The following MEF2C variants were observed in gnomAD, a reference collection of about 807,000 sequenced individuals.
MEF2C encodes the protein myocyte enhancer factor 2C, also known as myocyte-specific enhancer factor 2C.
A neutral mutation model predicts 50.5 loss-of-function variants in MEF2C; 6 were observed. The observed-to-expected ratio is 0.12, with a 90% CI of 0.07 to 0.23. The LOEUF (loss-of-function observed/expected upper bound fraction) is 0.23, where lower values mean the gene tolerates loss of function less well. MEF2C is among the 10% of genes least tolerant of loss of function. The probability of loss-of-function intolerance (pLI) is 1.00; values close to 1 mark genes in which losing one functional copy is unlikely to be tolerated. For synonymous variants in MEF2C, 183 were observed against 228.0 expected (o/e 0.80, Z 1.78); for missense variants, 276 against 605.0 (o/e 0.46, Z 5.70).
intron 1 of MEF2C, among the ~76,000 whole-genome samples, chr5:88,852,303 A>C (rs1035273966): frequency 6.6e-6 from 1 of 152,188 alleles, no homozygotes; most frequent in Non-Finnish European, 1.5e-5. Context: ...CACACACCTA[A>C]AAGTACCAGT....
chr5:88,786,199 AT>A (rs1790811547), intron 3 of MEF2C, among the ~76,000 whole-genome samples: 1 of 152,222 alleles, frequency 6.6e-6, no homozygotes, highest in Non-Finnish European at 1.5e-5. Context: ...AACTCCAGGC[AT>A]TTCAGCTGCT....
chr5:88,844,833 G>T (rs1055085999), intron 1 of MEF2C, among the ~76,000 whole-genome samples: 8 of 152,024 alleles, frequency 5.3e-5, no homozygotes, highest in African/African-American at 1.9e-4. Flanking sequence ...AACATAATTA[G>T]GAACTCTGAC....
Position 88,755,267 on chromosome 5 carries a change from GTATAGTTGACA to G in MEF2C, c.403-3235_403-3225del, listed in dbSNP as rs201762475. On this transcript the variant is annotated intron_variant, in intron 4 of 10. Transcript: ENST00000504921. The stretch of plus-strand genomic sequence containing the variant: ...TTACTTATTGAGCAGGCACTGTGCT[GTATAGTTGACA>G]TACATGATATGATTTAACCTTTTAA... Among the ~76,000 whole-genome samples, 1,150 of 152,298 alleles carry G rather than the reference GTATAGTTGACA, an allele frequency of 7.6e-3. 18 individuals are homozygous for G. Among genetic ancestry groups the G allele is most frequent in the African/African-American group, 0.027 (1,120 of 41,566 alleles).
chr5:88,870,352 A>G (rs1326464280), intron 1 of MEF2C, among the ~76,000 whole-genome samples: 1 of 152,068 alleles, frequency 6.6e-6, no homozygotes, highest in Non-Finnish European at 1.5e-5. Flanking sequence ...AACTAGGGCA[A>G]TGCATATATT....
At chr5:88,750,084 T>C (rs1771955511) in intron 5 of MEF2C, 1 of 684,836 alleles carries the variant, frequency 1.5e-6, no homozygotes, top group Non-Finnish European at 1.8e-6. Flanking sequence ...GCCAAAAGAA[T>C]AATAGTGAGA....
At chr5:88,762,208 C>T (rs1470483985) in intron 3 of MEF2C, among the ~76,000 whole-genome samples, 1 of 152,208 alleles carries the variant, frequency 6.6e-6, no homozygotes, top group Non-Finnish European at 1.5e-5. Flanking sequence ...CTAGTCTCAG[C>T]TGTCACAGAA....
intron 1 of MEF2C, chr5:88,825,022 T>G (rs531406630): frequency 2.3e-4 from 35 of 152,082 alleles, no homozygotes; most frequent in African/African-American, 8.4e-4. Flanking sequence ...TTTAGGTCAA[T>G]GAATGCAACA....
intron 3 of MEF2C, chr5:88,766,694 A>G (rs1780198731): frequency 3.0e-6 from 3 of 985,418 alleles, no homozygotes; most frequent in African/African-American, 1.7e-5. Flanking sequence ...AATTACTCCT[A>G]TTAACCTTTG....
intron 6 of MEF2C, chr5:88,738,278 T>C: frequency 3.0e-6 from 3 of 985,240 alleles, no homozygotes; most frequent in Non-Finnish European, 2.4e-6. Context: ...CATCCAACAA[T>C]ATTAGCAATC....
At position 88,728,487 on chromosome 5, in the gene MEF2C, G is replaced by C. The variant is rs1759908843; in HGVS notation, c.1100+6C>G. On this transcript the variant is annotated splice_donor_region_variant and intron_variant, in intron 10 of 10. Transcript: ENST00000504921. ...AAATTATATTATAAAAAATAATATTGCTTACCCCAACTGACTGAGGGCAGA... is the reference window on the plus strand; with the variant it reads ...AAATTATATTATAAAAAATAATATTCCTTACCCCAACTGACTGAGGGCAGA... 5 of 1,464,386 alleles carry C rather than the reference G, an allele frequency of 3.4e-6. No homozygotes were observed. The highest frequency in any genetic ancestry group is 2.9e-5 in the African/African-American group (2 of 69,678). 90.7% of individuals were successfully genotyped at this position (1,464,386 alleles called of 1,614,324 possible).
chr5:88,773,054 T>A (rs1283430786), intron 3 of MEF2C: 5 of 400,990 alleles, frequency 1.2e-5, no homozygotes, highest in African/African-American at 2.2e-5. Flanking sequence ...ACACAATACG[T>A]AAGTCACAGC....
At chr5:88,775,987 C>T (rs1784558941) in intron 3 of MEF2C, 1 of 173,348 alleles carries the variant, frequency 5.8e-6, no homozygotes, top group South Asian at 1.9e-4. Context: ...CCATTATACA[C>T]TTACTATGAA....
intron 1 of MEF2C, chr5:88,839,347 C>CTATATATA (rs1554040241): frequency 4.4e-5 from 4 of 91,714 alleles, no homozygotes; most frequent in African/African-American, 2.0e-4. Context: ...CTCTCTCTCT[C>CTATATATA]TCTCTCTATC....
intron 3 of MEF2C, among the ~76,000 whole-genome samples, chr5:88,779,590 T>G (rs1188196796): frequency 7.8e-6 from 1 of 127,416 alleles, no homozygotes; most frequent in Non-Finnish European, 1.7e-5. Flanking sequence ...TATATGTAGG[T>G]TTGTGTAGGT....
At chr5:88,759,146 A>G (rs1334485866) in intron 4 of MEF2C, among the ~76,000 whole-genome samples, 1 of 152,198 alleles carries the variant, frequency 6.6e-6, no homozygotes, top group African/African-American at 2.4e-5. Flanking sequence ...CTCCACACCA[A>G]TGTATTATAT....
chr5:88,838,559 A>T, intron 1 of MEF2C: 1 of 985,118 alleles, frequency 1.0e-6, no homozygotes, highest in Non-Finnish European at 1.2e-6. Context: ...ATTACACAGA[A>T]TTCTCATCTG....
chr5:88,745,056 A>C (rs1768738379), intron 6 of MEF2C, among the ~76,000 whole-genome samples: 1 of 152,168 alleles, frequency 6.6e-6, no homozygotes, highest in African/African-American at 2.4e-5. Flanking sequence ...TTTTTATTGA[A>C]AATTACATAA....
At chr5:88,842,658 T>C (rs1817804095) in intron 1 of MEF2C, among the ~76,000 whole-genome samples, 1 of 152,102 alleles carries the variant, frequency 6.6e-6, no homozygotes, top group Admixed American at 6.5e-5. Context: ...CTTGTCATAA[T>C]TTTAACTTTC....
intron 1 of MEF2C, among the ~76,000 whole-genome samples, chr5:88,849,490 T>G (rs1820519280): frequency 6.6e-6 from 1 of 152,210 alleles, no homozygotes; most frequent in African/African-American, 2.4e-5. Flanking sequence ...TAAGACTCAA[T>G]TTAAAAATCT....
Sources: gnomAD v4.1 joint callset for allele counts (sites outside exome capture counted in the v4.1 genomes callset) on GRCh38, gnomAD v4.1.1 for gene constraint, MANE v1.5 for transcripts, NCBI Gene and HGNC (gene_info 2026-07-23, HGNC 2026-07-21) for gene names.